Variants in PSMD10 observed in about 807,000 individuals in gnomAD.
PSMD10 encodes proteasome 26S subunit, non-ATPase 10.
A neutral mutation model predicts 13.2 loss-of-function variants in PSMD10; 2 were observed. That is an observed-to-expected ratio of 0.15 (90% CI 0.06 to 0.48). The LOEUF is 0.48. PSMD10 is among the 20% of genes least tolerant of loss of function. The probability of loss-of-function intolerance (pLI) is 0.97; values close to 1 mark genes in which losing one functional copy is unlikely to be tolerated. For missense variants in PSMD10, 120 were observed against 167.4 expected, an observed-to-expected ratio of 0.72 and a Z score of 1.56; for synonymous variants, 66 against 64.4, an observed-to-expected ratio of 1.03 and a Z score of -0.12.
At chrX:108,088,313 T>C (rs1422512793) in intron 2 of PSMD10, among the ~76,000 whole-genome samples, 1 of 112,443 alleles carries the variant, frequency 8.9e-6, no homozygotes, top group Non-Finnish European at 1.9e-5. Context: ...TAGGTCCTCA[T>C]TATTCAGGCC....
At chrX:108,086,736 G>A (rs1372575748) in intron 4 of PSMD10, among the ~76,000 whole-genome samples, 1 of 111,813 alleles carries the variant, frequency 8.9e-6, no homozygotes, top group Non-Finnish European at 1.9e-5. Flanking sequence ...GGATAATTTA[G>A]TGTTGGTGAG....
At chrX:108,085,327 G>A (rs1302596599) in intron 4 of PSMD10, among the ~76,000 whole-genome samples, 200 bp from the exon 5 acceptor site, 4 of 112,316 alleles carry the variant, frequency 3.6e-5, no homozygotes, top group East Asian at 2.8e-4. Context: ...ATACCAGATC[G>A]TAAATCATAA....
At chrX:108,086,739 T>C (rs1298642519) in intron 4 of PSMD10, among the ~76,000 whole-genome samples, 1 of 111,717 alleles carries the variant, frequency 9.0e-6, no homozygotes, top group Non-Finnish European at 1.9e-5. Flanking sequence ...TAATTTAGTG[T>C]TGGTGAGGGG....
At chrX:108,085,638 C>G (rs932362263) in intron 4 of PSMD10, among the ~76,000 whole-genome samples, 8 of 111,958 alleles carry the variant, frequency 7.1e-5, no homozygotes, top group Non-Finnish European at 1.1e-4. Flanking sequence ...CCTACCTATG[C>G]TGACATGTCT....
chrX:108,091,324 G>C, intron 1 of PSMD10, 83 bp downstream of exon 1: 1 of 911,641 alleles, frequency 1.1e-6, no homozygotes, highest in Non-Finnish European at 1.6e-6. Context: ...TCAGAAACGG[G>C]GCCTCCGCTA....
intron 4 of PSMD10, chrX:108,087,405 TAC>T (rs758797342): frequency 4.2e-6 from 1 of 238,308 alleles, no homozygotes; most frequent in East Asian, 8.4e-5. Context: ...TAAAACTACA[TAC>T]ACAGTATGAC....
At position 108,084,760 on chromosome X, in the gene PSMD10, A is replaced by G. The variant is rs2031475976; in HGVS notation, c.*214T>C. 1 of 363,117 alleles carries G rather than the reference A, an allele frequency of 2.8e-6. No individual in the cohort carries two copies. Among genetic ancestry groups the G allele is most frequent in the Non-Finnish European group, 4.7e-6 (1 of 212,151 alleles). 29.9% of individuals were successfully genotyped at this position (363,117 alleles called of 1,213,427 possible). A position where few individuals can be genotyped will look rare whatever the true frequency, so the allele number is the denominator to read the frequency against. On this transcript the variant is annotated 3_prime_UTR_variant, in exon 5 of 5. Transcript: ENST00000217958. ...TCAATATAGAAGAATATACGACAACAGTAGAACAATCTCAACAGTTATTCG... is the reference window on the plus strand; with the variant it reads ...TCAATATAGAAGAATATACGACAACGGTAGAACAATCTCAACAGTTATTCG...
chrX:108,084,874 C>T lies in PSMD10; in HGVS notation c.*100G>A, dbSNP rs2031477425. 4 of 947,893 alleles carry T rather than the reference C, an allele frequency of 4.2e-6. No homozygotes were observed. The highest frequency in any genetic ancestry group is 5.6e-6 in the Non-Finnish European group (4 of 714,860). 78.1% of individuals were successfully genotyped at this position (947,893 alleles called of 1,213,427 possible). On this transcript the variant is annotated 3_prime_UTR_variant, in exon 5 of 5. Coordinates refer to ENST00000217958, the MANE Select transcript of PSMD10 (RefSeq NM_002814.4). Reference sequence around the variant, plus strand: ...TTATAAGACTTTGAAGGTGAGAAAACTTCATCATTCATAGATGATGTCTTG... The same window carrying T: ...TTATAAGACTTTGAAGGTGAGAAAATTTCATCATTCATAGATGATGTCTTG...
chrX:108,090,241 T>C (rs184488738), intron 1 of PSMD10, among the ~76,000 whole-genome samples: 21 of 112,227 alleles, frequency 1.9e-4, no homozygotes, highest in South Asian at 1.5e-3. Flanking sequence ...CCGGTCTGTA[T>C]TCAGATTGCC....
Position 108,087,796 on chromosome X carries a change from C to T in PSMD10, c.417G>A (p.Glu139=), listed in dbSNP as rs759469718. 13 of 1,209,946 alleles carry T rather than the reference C, an allele frequency of 1.1e-5. No individual in the cohort carries two copies. The highest frequency in any genetic ancestry group is 1.5e-5 in the Non-Finnish European group (13 of 895,287). ...GANPDAKDHY[E]ATAMHRAAAK... ...CTGCTGCCCGGTGCATTGCTGTAGC[C>T]TCATAATGGTCCTTAGCATCTGGAT... Residue 139 remains glutamate, a synonymous_variant, in exon 4 of 5, where the codon GAG becomes GAA. Transcript: ENST00000217958.
At chrX:108,090,805 C>A (rs1291638687) in intron 1 of PSMD10, among the ~76,000 whole-genome samples, 1 of 112,574 alleles carries the variant, frequency 8.9e-6, no homozygotes, top group Non-Finnish European at 1.9e-5. Flanking sequence ...CTCATTCCCC[C>A]ATGGAAATCC....
chrX:108,088,806 T>G lies in PSMD10; in HGVS notation c.159A>C (p.Thr53=), dbSNP rs943987828. Residue 53 remains threonine, a synonymous_variant, in exon 2 of 5, where the codon ACA becomes ACC. Transcript: ENST00000217958. Reference sequence around the variant, plus strand: ...GTTGCAACAAAAATTCAACAATTTCTGTATGTCCAGCTGAGCATGCCCAGT... The same window carrying G: ...GTTGCAACAAAAATTCAACAATTTCGGTATGTCCAGCTGAGCATGCCCAGT... ...ALHWACSAGH[T]EIVEFLLQLG... 8.3e-7 allele frequency: 1 copy of G among 1,205,138 alleles called. No homozygotes were observed. Among genetic ancestry groups the G allele is most frequent in the Non-Finnish European group, 1.1e-6 (1 of 890,206 alleles).
At position 108,084,694 on chromosome X, in the gene PSMD10, C is replaced by A. The variant is rs1295452985; in HGVS notation, c.*280G>T. On this transcript the variant is annotated 3_prime_UTR_variant, in exon 5 of 5. Coordinates refer to ENST00000217958, the MANE Select transcript of PSMD10 (RefSeq NM_002814.4). Reference sequence around the variant, plus strand: ...GGTACATGGGAGGGTGCTGAAGACTCACAACAGCCACAGAATTAGTTACTC... The same window carrying A: ...GGTACATGGGAGGGTGCTGAAGACTAACAACAGCCACAGAATTAGTTACTC... 1 of 212,982 alleles carries A rather than the reference C, an allele frequency of 4.7e-6. No homozygotes were observed. 17.6% of individuals were successfully genotyped at this position (212,982 alleles called of 1,213,427 possible). A position where few individuals can be genotyped will look rare whatever the true frequency, so the allele number is the denominator to read the frequency against.
chrX:108,085,169 T>C, intron 4 of PSMD10, 42 bp from the exon 5 acceptor site: 1 of 1,112,907 alleles, frequency 9.0e-7, no homozygotes, highest in Non-Finnish European at 1.2e-6. Flanking sequence ...TCACTACCAA[T>C]TCTATGTAAT....
intron 1 of PSMD10, among the ~76,000 whole-genome samples, chrX:108,089,330 C>A (rs1034509286): frequency 1.8e-5 from 2 of 111,223 alleles, no homozygotes; most frequent in Admixed American, 1.9e-4. Context: ...GAAGTTGGGG[C>A]ACAACTGTCA....
rs898643558 is a variant in PSMD10, at chrX:108,084,253, A to G, written c.*721T>C. The G allele has an allele frequency of 8.9e-6, 1 of 112,846 alleles. No homozygotes were observed. The highest frequency in any genetic ancestry group is 3.2e-5 in the African/African-American group (1 of 31,093). The allele number at this position is 112,846 out of a possible 1,213,427, so 9.3% of individuals were successfully genotyped here. A position where few individuals can be genotyped will look rare whatever the true frequency, so the allele number is the denominator to read the frequency against. ...TAGTTTCTGAAATACAAATCAAAAT[A>G]CATTTTTGTTACATGTCATTTTAAC... On this transcript the variant is annotated 3_prime_UTR_variant, in exon 5 of 5. Coordinates refer to ENST00000217958, the MANE Select transcript of PSMD10 (RefSeq NM_002814.4).
chrX:108,085,663 G>A (rs750269584), intron 4 of PSMD10, among the ~76,000 whole-genome samples: 1 of 111,991 alleles, frequency 8.9e-6, no homozygotes, highest in Non-Finnish European at 1.9e-5. Flanking sequence ...AGTAGACTGA[G>A]TGGAAGAGGG....
intron 1 of PSMD10, among the ~76,000 whole-genome samples, chrX:108,091,193 G>C: frequency 8.8e-6 from 1 of 113,531 alleles, no homozygotes; most frequent in Non-Finnish European, 1.9e-5. Flanking sequence ...TCAGGGAGCG[G>C]AGCTCCGGGC....
chrX:108,088,182 G>A, intron 2 of PSMD10, 83 bp from the exon 3 acceptor site: 1 of 1,000,815 alleles, frequency 1.0e-6, no homozygotes, highest in Non-Finnish European at 1.4e-6. Flanking sequence ...TTAGCAAGGA[G>A]CTTTACAAAG....
Sources: allele counts gnomAD v4.1 joint callset (sites outside exome capture counted in the v4.1 genomes callset), GRCh38; gene constraint gnomAD v4.1.1; transcripts MANE v1.5; gene names NCBI Gene and HGNC (gene_info 2026-07-23, HGNC 2026-07-21).